TRAPPC9: variants seen among roughly 807,000 people sequenced by gnomAD.
TRAPPC9 encodes trafficking protein particle complex subunit 9, also known as IKK2 binding protein.
A neutral mutation model predicts 124.0 loss-of-function variants in TRAPPC9; 83 were observed. That is an observed-to-expected ratio of 0.67 (90% CI 0.56 to 0.80). The LOEUF is 0.80. Ranked by LOEUF, TRAPPC9 falls within the 30% of genes least tolerant of loss-of-function variation. TRAPPC9 has a pLI of 0.00. For synonymous variants in TRAPPC9, 638 were observed against 617.5 expected, an observed-to-expected ratio of 1.03 and a Z score of -0.49; for missense variants, 1,302 against 1,508.3, an observed-to-expected ratio of 0.86 and a Z score of 2.27.
At chr8:139,866,888 G>A (rs1828578241) in intron 21 of TRAPPC9, among the ~76,000 whole-genome samples, 1 of 152,196 alleles carries the variant, frequency 6.6e-6, no homozygotes, top group South Asian at 2.1e-4. Flanking sequence ...CCAAAGTATG[G>A]ATCTTGGTTG....
chr8:140,287,746 G>A lies in TRAPPC9; in HGVS notation c.1855-12C>T, dbSNP rs201897104. ...CTGGTGAGCAGCCCCTAAACCAAGC[G>A]ACGCAGCATCGTAAGCCCGGAGCAA... On this transcript the variant is annotated splice_polypyrimidine_tract_variant and intron_variant, in intron 12 of 22. Transcript: ENST00000438773. 31 of 1,614,088 alleles carry A rather than the reference G, an allele frequency of 1.9e-5. No homozygotes were observed. The highest frequency in any genetic ancestry group is 1.2e-4 in the South Asian group (11 of 91,076).
intron 19 of TRAPPC9, among the ~76,000 whole-genome samples, chr8:139,969,192 C>T (rs1292522627): frequency 6.6e-6 from 1 of 152,258 alleles, no homozygotes; most frequent in East Asian, 1.9e-4. Context: ...GTTCAAGATC[C>T]AGTGTCGCTG....
intron 1 of TRAPPC9, chr8:140,456,972 G>A: frequency 3.7e-6 from 1 of 268,050 alleles, no homozygotes; most frequent in Non-Finnish European, 5.7e-6. Context: ...CCACAGGCCA[G>A]TAGCCTGACT....
At chr8:140,015,297 G>A (rs769472477) in intron 18 of TRAPPC9, among the ~76,000 whole-genome samples, 8 of 152,190 alleles carry the variant, frequency 5.3e-5, no homozygotes, top group African/African-American at 1.7e-4. Flanking sequence ...TCCGGGCCTC[G>A]TTTGTGATGC....
chr8:140,226,828 T>A (rs888656285), intron 16 of TRAPPC9, among the ~76,000 whole-genome samples: 1 of 151,736 alleles, frequency 6.6e-6, no homozygotes, highest in Non-Finnish European at 1.5e-5. Context: ...ACTAGGAGGC[T>A]GTGGGATATG....
intron 21 of TRAPPC9, among the ~76,000 whole-genome samples, chr8:139,833,895 A>C (rs1349531617): frequency 6.6e-6 from 1 of 152,146 alleles, no homozygotes; most frequent in Non-Finnish European, 1.5e-5. Context: ...TGGCTACTGA[A>C]AGTCAGGAGG....
intron 21 of TRAPPC9, 44 bp from the exon 22 acceptor site, chr8:139,732,246 G>C (rs1295637008): frequency 6.7e-7 from 1 of 1,482,436 alleles, no homozygotes; most frequent in East Asian, 2.4e-5. Flanking sequence ...TGGCCTGCAC[G>C]GCCCAGCCGG....
intron 21 of TRAPPC9, among the ~76,000 whole-genome samples, chr8:139,815,002 T>C (rs1395109963): frequency 1.3e-5 from 2 of 152,184 alleles, no homozygotes; most frequent in Admixed American, 6.5e-5. Flanking sequence ...GCCACCAGTA[T>C]GTGTACGGCA....
intron 17 of TRAPPC9, among the ~76,000 whole-genome samples, chr8:140,198,982 C>T (rs917693821): frequency 6.6e-6 from 1 of 152,226 alleles, no homozygotes; most frequent in African/African-American, 2.4e-5. Flanking sequence ...GCACAGCAGG[C>T]TGAACGCGGC....
chr8:140,234,479 G>A (rs919081559), intron 16 of TRAPPC9, among the ~76,000 whole-genome samples: 13 of 152,224 alleles, frequency 8.5e-5, no homozygotes, highest in Non-Finnish European at 1.6e-4. Flanking sequence ...GGCAGAGACT[G>A]TGTCTTATTT....
intron 16 of TRAPPC9, among the ~76,000 whole-genome samples, chr8:140,245,464 G>GGTGTGTGTGT (rs35366571): frequency 8.0e-5 from 12 of 150,212 alleles, no homozygotes; most frequent in African/African-American, 2.9e-4. Context: ...TTTGTTTTGT[G>GGTGTGTGTGT]GTGTGTGTGT....
chr8:140,418,643 C>T (rs927349035), intron 5 of TRAPPC9, among the ~76,000 whole-genome samples: 4 of 152,104 alleles, frequency 2.6e-5, no homozygotes, highest in African/African-American at 9.7e-5. Flanking sequence ...ATCGCTTGAA[C>T]CTGGGAGGCA....
chr8:140,162,800 C>G (rs922081074), intron 17 of TRAPPC9, among the ~76,000 whole-genome samples: 6 of 152,082 alleles, frequency 3.9e-5, no homozygotes, highest in Admixed American at 6.5e-5. Flanking sequence ...CCAGCCTGGG[C>G]AATAGGCTAA....
At chr8:139,885,802 C>T (rs1829970024) in intron 21 of TRAPPC9, 77 bp downstream of exon 21, 1 of 1,428,318 alleles carries the variant, frequency 7.0e-7, no homozygotes, top group African/African-American at 1.4e-5. Context: ...CAGCCACACC[C>T]CCCAAGACCT....
intron 15 of TRAPPC9, among the ~76,000 whole-genome samples, chr8:140,254,828 G>T (rs552480174): frequency 6.6e-6 from 1 of 152,366 alleles, no homozygotes; most frequent in African/African-American, 2.4e-5. Flanking sequence ...AGATCCAAAT[G>T]ATTCCAAAGT....
intron 21 of TRAPPC9, among the ~76,000 whole-genome samples, chr8:139,791,604 G>GT (rs1822682783): frequency 6.6e-6 from 1 of 150,574 alleles, no homozygotes; most frequent in Non-Finnish European, 1.5e-5. Flanking sequence ...ACTCACACAG[G>GT]CGCCCGTCTC....
Position 140,133,706 on chromosome 8 carries a change from G to A in TRAPPC9, c.2556+87753C>T, listed in dbSNP as rs568110993. Among the ~76,000 whole-genome samples, 8 of 152,252 alleles carry A rather than the reference G, an allele frequency of 5.3e-5. No homozygotes were observed. The South Asian group carries it at 1.5e-3, about 28-fold the overall frequency. ...TACTAGAGCTAATAAATTCAGGTAAGTTGCAAGATACAAATTCAGCACACA... is the reference window on the plus strand; with the variant it reads ...TACTAGAGCTAATAAATTCAGGTAAATTGCAAGATACAAATTCAGCACACA... On this transcript the variant is annotated intron_variant, in intron 17 of 22. Transcript: ENST00000438773.
At chr8:139,885,819 T>A (rs999890372) in intron 21 of TRAPPC9, 60 bp downstream of exon 21, 3 of 1,498,204 alleles carry the variant, frequency 2.0e-6, no homozygotes, top group Admixed American at 3.9e-5. Flanking sequence ...ACCTTGCTCG[T>A]GCATTTGGAG....
intron 19 of TRAPPC9, among the ~76,000 whole-genome samples, chr8:139,926,620 A>AC (rs1554674056): frequency 1.3e-5 from 2 of 151,528 alleles, no homozygotes; most frequent in African/African-American, 4.8e-5. Context: ...AAAAAAAAAA[A>AC]AAACTCCTGA....
Sources: gnomAD v4.1 joint callset for allele counts (sites outside exome capture counted in the v4.1 genomes callset) on GRCh38, gnomAD v4.1.1 for gene constraint, MANE v1.5 for transcripts, NCBI Gene and HGNC (gene_info 2026-07-23, HGNC 2026-07-21) for gene names.